The following TRAPPC9 variants were observed in gnomAD, a reference collection of about 807,000 sequenced individuals.
The protein encoded by TRAPPC9 is trafficking protein particle complex subunit 9.
In TRAPPC9, 83 loss-of-function variants were observed where a neutral mutation model predicts 124.0. The observed-to-expected ratio is 0.67, with a 90% CI of 0.56 to 0.80. The LOEUF is 0.80. Ranked by LOEUF, TRAPPC9 falls within the 30% of genes least tolerant of loss-of-function variation. TRAPPC9 has a pLI of 0.00. For missense variants in TRAPPC9, 1,302 were observed against 1,508.3 expected (o/e 0.86, Z 2.27); for synonymous variants, 638 against 617.5 (o/e 1.03, Z -0.49).
chr8:140,205,673 G>A (rs1411997771), intron 17 of TRAPPC9, among the ~76,000 whole-genome samples: 1 of 152,178 alleles, frequency 6.6e-6, no homozygotes, highest in African/African-American at 2.4e-5. Context: ...CCCCACCCAG[G>A]AGCCCTCTTA....
intron 17 of TRAPPC9, among the ~76,000 whole-genome samples, chr8:140,094,461 A>G (rs1844792130): frequency 6.6e-6 from 1 of 152,008 alleles, no homozygotes; most frequent in Admixed American, 6.6e-5. Flanking sequence ...GCCCACCACC[A>G]CCCAGAGGCT....
At chr8:140,003,738 T>C (rs748932536) in intron 18 of TRAPPC9, among the ~76,000 whole-genome samples, 1 of 152,146 alleles carries the variant, frequency 6.6e-6, no homozygotes, top group South Asian at 2.1e-4. Context: ...TATCCACTGC[T>C]AGTAGAGATG....
At chr8:139,948,001 T>A (rs1427281535) in intron 19 of TRAPPC9, among the ~76,000 whole-genome samples, 1 of 148,634 alleles carries the variant, frequency 6.7e-6, no homozygotes, top group African/African-American at 2.5e-5. Flanking sequence ...CAGACCTGGA[T>A]TCTTGTCCAC....
chr8:140,161,503 T>C (rs778009204), intron 17 of TRAPPC9, among the ~76,000 whole-genome samples: 10 of 152,170 alleles, frequency 6.6e-5, no homozygotes, highest in Non-Finnish European at 1.0e-4. Flanking sequence ...AATACATTTA[T>C]GTTTCATATA....
chr8:140,092,816 A>G (rs141337588), intron 17 of TRAPPC9, among the ~76,000 whole-genome samples: 3 of 152,228 alleles, frequency 2.0e-5, no homozygotes, highest in African/African-American at 4.8e-5. Context: ...TTTTAAACAT[A>G]CAGCATAAGG....
At chr8:140,356,904 C>T (rs1360257729) in intron 9 of TRAPPC9, among the ~76,000 whole-genome samples, 1 of 152,152 alleles carries the variant, frequency 6.6e-6, no homozygotes, top group Non-Finnish European at 1.5e-5. Context: ...GCCACCATGC[C>T]CGGCCAAGAA....
At chr8:140,199,243 T>C (rs990478786) in intron 17 of TRAPPC9, among the ~76,000 whole-genome samples, 11 of 152,138 alleles carry the variant, frequency 7.2e-5, no homozygotes, top group African/African-American at 2.7e-4. Flanking sequence ...TAAGGGTCTG[T>C]ATTTCCGACA....
At chr8:140,272,105 G>T (rs796442580) in intron 15 of TRAPPC9, among the ~76,000 whole-genome samples, 1 of 75,228 alleles carries the variant, frequency 1.3e-5, no homozygotes, top group African/African-American at 5.6e-5. Flanking sequence ...TGAGGTGATT[G>T]TGGTGGTGGC....
intron 6 of TRAPPC9, among the ~76,000 whole-genome samples, chr8:140,403,148 G>T (rs1219985626): frequency 6.6e-6 from 1 of 152,090 alleles, no homozygotes; most frequent in Non-Finnish European, 1.5e-5. Context: ...TTCTAAGCAG[G>T]CCAGGTGCAG....
At chr8:140,275,142 A>AC (rs1001245284) in intron 15 of TRAPPC9, among the ~76,000 whole-genome samples, 10 of 151,844 alleles carry the variant, frequency 6.6e-5, no homozygotes, top group South Asian at 2.1e-4. Flanking sequence ...GCTAAATACT[A>AC]CCCCCCCTAT....
intron 16 of TRAPPC9, among the ~76,000 whole-genome samples, chr8:140,251,730 G>C (rs969691644): frequency 3.3e-5 from 5 of 152,170 alleles, no homozygotes; most frequent in African/African-American, 1.2e-4. Context: ...CCCCCTCTAT[G>C]AGATGAGTGC....
intron 9 of TRAPPC9, among the ~76,000 whole-genome samples, chr8:140,338,724 C>T (rs1171855552): frequency 6.6e-6 from 1 of 150,668 alleles, no homozygotes; most frequent in Admixed American, 6.6e-5. Context: ...CGACGGGAAA[C>T]GGCTCAGAGA....
chr8:140,175,421 A>G (rs1396538482), intron 17 of TRAPPC9, among the ~76,000 whole-genome samples: 1 of 152,032 alleles, frequency 6.6e-6, no homozygotes, highest in African/African-American at 2.4e-5. Context: ...AGCAAGCAGC[A>G]CCTGAGATGC....
intron 17 of TRAPPC9, among the ~76,000 whole-genome samples, chr8:140,114,508 G>T (rs539986689): frequency 1.8e-4 from 27 of 152,284 alleles, no homozygotes; most frequent in African/African-American, 6.0e-4. Context: ...TGATCAGAAA[G>T]ATGACATTAA....
At chr8:139,796,078 AGAG>A (rs1371925468) in intron 21 of TRAPPC9, among the ~76,000 whole-genome samples, 11 of 129,112 alleles carry the variant, frequency 8.5e-5, no homozygotes, top group African/African-American at 1.0e-4. Context: ...AGGAGGAGGA[AGAG>A]GAGAAGGAGG....
At chr8:140,094,817 A>C (rs1340566258) in intron 17 of TRAPPC9, 1 of 152,156 alleles carries the variant, frequency 6.6e-6, no homozygotes, top group Admixed American at 6.5e-5. Flanking sequence ...TTCTGGGTCT[A>C]AGTTCCCTCA....
chr8:140,156,852 G>C lies in TRAPPC9; in HGVS notation c.2556+64607C>G, dbSNP rs551948867. 3.9e-5 allele frequency among the ~76,000 whole-genome samples: 6 copies of C among 152,332 alleles called. No homozygotes were observed. The East Asian group carries it at 9.7e-4, about 25-fold the overall frequency. Reference sequence around the variant, plus strand: ...GCAGACAGAATGACAAAAATTTAATGCAAGAAGGGGAGAGCTTCAAAAAAG... The same window carrying C: ...GCAGACAGAATGACAAAAATTTAATCCAAGAAGGGGAGAGCTTCAAAAAAG... On this transcript the variant is annotated intron_variant, in intron 17 of 22. Coordinates refer to ENST00000438773, the MANE Select transcript of TRAPPC9 (RefSeq NM_001160372.4).
chr8:140,396,513 C>T (rs1460192147), intron 7 of TRAPPC9, among the ~76,000 whole-genome samples: 4 of 151,828 alleles, frequency 2.6e-5, no homozygotes, highest in Non-Finnish European at 5.9e-5. Flanking sequence ...AAAGCCCTCC[C>T]GCTCAGACTC....
At chr8:140,206,891 T>C (rs2062933817) in intron 17 of TRAPPC9, among the ~76,000 whole-genome samples, 1 of 152,082 alleles carries the variant, frequency 6.6e-6, no homozygotes, top group African/African-American at 2.4e-5. Context: ...GTGACCCTTT[T>C]AGTGGGAACA....
Sources: gnomAD v4.1 joint callset for allele counts (sites outside exome capture counted in the v4.1 genomes callset) on GRCh38, gnomAD v4.1.1 for gene constraint, MANE v1.5 for transcripts, NCBI Gene and HGNC (gene_info 2026-07-23, HGNC 2026-07-21) for gene names.